The following LRRC4C variants were observed in gnomAD, a reference collection of about 807,000 sequenced individuals.
LRRC4C encodes leucine rich repeat containing 4C, also known as leucine-rich repeat-containing protein 4C.
A neutral mutation model predicts 33.6 loss-of-function variants in LRRC4C; 5 were observed. That is an observed-to-expected ratio of 0.15 (90% CI 0.08 to 0.31). The LOEUF (loss-of-function observed/expected upper bound fraction) is 0.31, where lower values mean the gene tolerates loss of function less well. Ranked by LOEUF, LRRC4C falls within the 10% of genes least tolerant of loss-of-function variation. LRRC4C has a pLI of 1.00. For missense variants in LRRC4C, 560 were observed against 796.7 expected (o/e 0.70, Z 3.58); for synonymous variants, 329 against 302.0 (o/e 1.09, Z -0.93).
intron 1 of LRRC4C, among the ~76,000 whole-genome samples, chr11:41,243,188 A>G (rs1948319971): frequency 6.6e-6 from 1 of 152,204 alleles, no homozygotes; most frequent in Admixed American, 6.5e-5. Context: ...ATTCTTTAAT[A>G]TCTTGACACA....
chr11:41,087,401 T>C (rs893387400), intron 1 of LRRC4C, among the ~76,000 whole-genome samples: 2 of 152,174 alleles, frequency 1.3e-5, no homozygotes, highest in African/African-American at 4.8e-5. Flanking sequence ...AAACCTTCAA[T>C]GGTCATGAGC....
chr11:41,423,259 G>T (rs540002982), intron 1 of LRRC4C, among the ~76,000 whole-genome samples: 1 of 152,110 alleles, frequency 6.6e-6, no homozygotes, highest in Admixed American at 6.6e-5. Flanking sequence ...TATGAGAAAT[G>T]GAGTGGGTAG....
At chr11:41,164,627 A>G (rs1285232773) in intron 1 of LRRC4C, among the ~76,000 whole-genome samples, 1 of 152,110 alleles carries the variant, frequency 6.6e-6, no homozygotes, top group South Asian at 2.1e-4. Context: ...GTATTACACT[A>G]TGATATTAGG....
intron 1 of LRRC4C, among the ~76,000 whole-genome samples, chr11:41,071,890 G>A (rs1213265510): frequency 1.3e-5 from 2 of 152,152 alleles, no homozygotes; most frequent in East Asian, 3.9e-4. Context: ...CAACCCTTAT[G>A]AATGACTTTG....
At chr11:40,677,345 C>T (rs946993172) in intron 2 of LRRC4C, among the ~76,000 whole-genome samples, 1 of 152,104 alleles carries the variant, frequency 6.6e-6, no homozygotes, top group Non-Finnish European at 1.5e-5. Flanking sequence ...AAAATCGCAC[C>T]ACAGCACTCC....
At chr11:40,464,929 C>G (rs1319890793) in intron 3 of LRRC4C, among the ~76,000 whole-genome samples, 1 of 151,812 alleles carries the variant, frequency 6.6e-6, no homozygotes, top group Non-Finnish European at 1.5e-5. Flanking sequence ...TATCAAAATA[C>G]CTACATCATT....
chr11:40,471,474 TTAAC>T (rs1952932119), intron 3 of LRRC4C, among the ~76,000 whole-genome samples: 1 of 152,138 alleles, frequency 6.6e-6, no homozygotes, highest in Admixed American at 6.5e-5. Context: ...AGAAACTGCA[TTAAC>T]TAACAGGCAA....
chr11:40,852,213 A>T (rs1360815858), intron 2 of LRRC4C, among the ~76,000 whole-genome samples: 4 of 151,768 alleles, frequency 2.6e-5, no homozygotes, highest in Non-Finnish European at 4.4e-5. Context: ...AAGTATTATG[A>T]CTGGGGATTA....
At chr11:40,554,289 T>C (rs1213847710) in intron 3 of LRRC4C, among the ~76,000 whole-genome samples, 1 of 152,200 alleles carries the variant, frequency 6.6e-6, no homozygotes, top group Non-Finnish European at 1.5e-5. Flanking sequence ...TTGTGTTCTA[T>C]AGATCTATGT....
At chr11:40,839,787 G>A (rs1019438204) in intron 2 of LRRC4C, among the ~76,000 whole-genome samples, 1 of 152,134 alleles carries the variant, frequency 6.6e-6, no homozygotes, top group African/African-American at 2.4e-5. Flanking sequence ...AATGAAGAAA[G>A]GGTGGGCATA....
intron 1 of LRRC4C, among the ~76,000 whole-genome samples, chr11:41,278,580 G>C (rs1400330277): frequency 2.0e-5 from 3 of 152,224 alleles, no homozygotes; most frequent in East Asian, 3.8e-4. Context: ...TGGAGGGCTT[G>C]TTAAGACAGA....
chr11:41,408,611 G>A (rs916136621), intron 1 of LRRC4C, among the ~76,000 whole-genome samples: 11 of 151,932 alleles, frequency 7.2e-5, no homozygotes, highest in Non-Finnish European at 1.6e-4. Flanking sequence ...AATTTATGAT[G>A]TTAAAAATAA....
intron 2 of LRRC4C, among the ~76,000 whole-genome samples, chr11:40,675,891 C>T (rs965494316): frequency 3.2e-4 from 48 of 151,982 alleles, no homozygotes; most frequent in African/African-American, 1.1e-3. Flanking sequence ...TAGGAAACTC[C>T]CACTGTTCAT....
At position 40,880,863 on chromosome 11, in the gene LRRC4C, G is replaced by GTATATATA. The variant is rs61004501; in HGVS notation, c.-407+52764_-407+52771dup. Among the ~76,000 whole-genome samples the GTATATATA allele has an allele frequency of 2.6e-3, 376 of 145,616 alleles. 6 individuals carry two copies. The highest frequency in any genetic ancestry group is 0.016 in the South Asian group (74 of 4,652). On this transcript the variant is annotated intron_variant, in intron 2 of 6. Transcript: ENST00000528697. The stretch of plus-strand genomic sequence containing the variant: ...ATGAGTGCAAATAAAATGTGTGTGT[G>GTATATATA]TATATATATATATATATATGTATAC...
intron 2 of LRRC4C, among the ~76,000 whole-genome samples, chr11:40,926,857 T>C (rs925458878): frequency 1.3e-5 from 2 of 152,178 alleles, no homozygotes; most frequent in African/African-American, 4.8e-5. Context: ...AAACTTCAGA[T>C]ATAGGCATAA....
At chr11:40,364,460 A>G (rs1948116756) in intron 3 of LRRC4C, among the ~76,000 whole-genome samples, 1 of 152,122 alleles carries the variant, frequency 6.6e-6, no homozygotes, top group African/African-American at 2.4e-5. Flanking sequence ...AATGGATAGA[A>G]TTAAAACCAG....
chr11:40,418,170 C>T (rs1590671585), intron 3 of LRRC4C, among the ~76,000 whole-genome samples: 1 of 152,086 alleles, frequency 6.6e-6, no homozygotes, highest in African/African-American at 2.4e-5. Flanking sequence ...AAACAGGCAA[C>T]CTACAGAGTG....
chr11:41,440,109 GT>G (rs796449006), intron 1 of LRRC4C, among the ~76,000 whole-genome samples: 2 of 151,480 alleles, frequency 1.3e-5, no homozygotes, highest in African/African-American at 4.9e-5. Context: ...TTTGTTTTCA[GT>G]TTTTTTTAGG....
chr11:40,266,271 G>A (rs1942248475), intron 4 of LRRC4C, among the ~76,000 whole-genome samples: 1 of 152,034 alleles, frequency 6.6e-6, no homozygotes, highest in Admixed American at 6.6e-5. Context: ...CTACATTCCA[G>A]CCTGGGGACA....
Sources: gnomAD v4.1 joint callset for allele counts (sites outside exome capture counted in the v4.1 genomes callset) on GRCh38, gnomAD v4.1.1 for gene constraint, MANE v1.5 for transcripts, NCBI Gene and HGNC (gene_info 2026-07-23, HGNC 2026-07-21) for gene names.